The following SPMAP2L variants were observed in gnomAD, a reference collection of about 807,000 sequenced individuals.
The protein encoded by SPMAP2L is sperm microtubule associated protein 2 like, also known as sperm microtubule associated protein 2-like.
chr4:56,590,415 A>G, the SPMAP2L span, among the ~76,000 whole-genome samples: 1 of 152,256 alleles, frequency 6.6e-6, no homozygotes, highest in Non-Finnish European at 1.5e-5. Context: ...AAGATAAGCA[A>G]ATGGATTGTA....
chr4:56,546,016 A>T, the SPMAP2L span, among the ~76,000 whole-genome samples: 2 of 150,780 alleles, frequency 1.3e-5, 1 homozygote, highest in Non-Finnish European at 3.0e-5. Flanking sequence ...CTGGTCTTGA[A>T]CTCCTGACCT....
the SPMAP2L span, chr4:56,559,425 C>T: frequency 6.5e-7 from 1 of 1,529,758 alleles, no homozygotes; most frequent in Non-Finnish European, 8.7e-7. Flanking sequence ...ATCCTATTCG[C>T]CCTGTTTCCC....
chr4:56,562,142 C>T, the SPMAP2L span, among the ~76,000 whole-genome samples: 145,073 of 152,136 alleles, frequency 0.95, 69,256 homozygotes, highest in Middle Eastern at 0.97. Context: ...TCATCTATTA[C>T]GGGGGATATA....
the SPMAP2L span, among the ~76,000 whole-genome samples, chr4:56,609,420 A>G: frequency 0.016 from 2,405 of 152,260 alleles, 68 homozygotes; most frequent in African/African-American, 0.054. Context: ...CAAACTAATC[A>G]TTCATTTATA....
At chr4:56,575,455 T>A in the SPMAP2L span, 2 of 1,527,998 alleles carry the variant, frequency 1.3e-6, no homozygotes, top group Non-Finnish European at 1.8e-6. Context: ...CTATGACAAT[T>A]TGAAATCATG....
chr4:56,555,009 G>A, the SPMAP2L span, among the ~76,000 whole-genome samples: 43 of 148,472 alleles, frequency 2.9e-4, no homozygotes, highest in Non-Finnish European at 5.5e-4. Context: ...GTGCAATCTC[G>A]GCTCACTGTG....
At chr4:56,594,264 G>T in the SPMAP2L span, 1 of 1,573,998 alleles carries the variant, frequency 6.4e-7, no homozygotes, top group Non-Finnish European at 8.7e-7. Flanking sequence ...AATATTGTCC[G>T]GTATATGAAG....
the SPMAP2L span, among the ~76,000 whole-genome samples, chr4:56,565,396 A>T: frequency 6.6e-6 from 1 of 152,356 alleles, no homozygotes; most frequent in African/African-American, 2.4e-5. Context: ...ATCCCTAATA[A>T]AAAAATCTGA....
the SPMAP2L span, among the ~76,000 whole-genome samples, chr4:56,577,597 A>G: frequency 6.6e-6 from 1 of 152,128 alleles, no homozygotes. Flanking sequence ...AAATAAATAA[A>G]TAAATAAAAT....
chr4:56,550,044 A>G, the SPMAP2L span, among the ~76,000 whole-genome samples: 2 of 152,220 alleles, frequency 1.3e-5, no homozygotes, highest in Non-Finnish European at 2.9e-5. Flanking sequence ...ATTTTCATCT[A>G]CTTTTTAAAG....
the SPMAP2L span, among the ~76,000 whole-genome samples, chr4:56,537,983 G>A: frequency 1.3e-5 from 2 of 152,004 alleles, no homozygotes; most frequent in Middle Eastern, 3.4e-3. Flanking sequence ...GTGAGCCACC[G>A]TGCCTAGCTT....
the SPMAP2L span, among the ~76,000 whole-genome samples, chr4:56,618,250 A>G: frequency 6.6e-6 from 1 of 152,338 alleles, no homozygotes; most frequent in African/African-American, 2.4e-5. Flanking sequence ...AGTAGGGGAT[A>G]AAAGAGTTTA....
the SPMAP2L span, chr4:56,584,445 G>T: frequency 1.7e-6 from 2 of 1,210,438 alleles, no homozygotes; most frequent in South Asian, 2.6e-5. Context: ...AAATCCAGTT[G>T]TTGTTTCTCC....
the SPMAP2L span, chr4:56,552,692 A>G: frequency 2.5e-6 from 2 of 796,530 alleles, no homozygotes; most frequent in South Asian, 1.5e-5. Context: ...TTATCCATCC[A>G]CCTCTACTTA....
the SPMAP2L span, among the ~76,000 whole-genome samples, chr4:56,550,221 CAG>C: frequency 1.3e-5 from 2 of 152,060 alleles, no homozygotes; most frequent in African/African-American, 4.8e-5. Flanking sequence ...TTCCTGGCCT[CAG>C]GTGATCCTTC....
At chr4:56,564,658 T>G in the SPMAP2L span, among the ~76,000 whole-genome samples, 1 of 152,168 alleles carries the variant, frequency 6.6e-6, no homozygotes. Flanking sequence ...TGCTTTTTAT[T>G]TCATTGATTT....
chr4:56,612,623 A>G, the SPMAP2L span, among the ~76,000 whole-genome samples: 2 of 151,496 alleles, frequency 1.3e-5, no homozygotes, highest in Non-Finnish European at 2.9e-5. Context: ...GCTGGATTGC[A>G]GTGGCGCGAT....
At chr4:56,540,232 G>A in the SPMAP2L span, among the ~76,000 whole-genome samples, 1 of 152,278 alleles carries the variant, frequency 6.6e-6, no homozygotes, top group South Asian at 2.1e-4. Flanking sequence ...TGCATATAGT[G>A]GAGGACCGGC....
At chr4:56,616,999 C>A in the SPMAP2L span, among the ~76,000 whole-genome samples, 2 of 152,050 alleles carry the variant, frequency 1.3e-5, no homozygotes, top group Non-Finnish European at 2.9e-5. Flanking sequence ...CAGGGGATAC[C>A]TTCCAAGACC....
Sources: allele counts gnomAD v4.1 joint callset (sites outside exome capture counted in the v4.1 genomes callset), GRCh38; gene constraint gnomAD v4.1.1; transcripts MANE v1.5; gene names NCBI Gene and HGNC (gene_info 2026-07-23, HGNC 2026-07-21).